Variants in ADAM7 observed in about 807,000 individuals in gnomAD.
The protein encoded by ADAM7 is ADAM metallopeptidase domain 7.
ADAM7 carries 97 observed loss-of-function variants against 102.9 expected under a neutral mutation model. That is an observed-to-expected ratio of 0.94 (90% confidence interval 0.80 to 1.12). The LOEUF (loss-of-function observed/expected upper bound fraction) is 1.12. Ranked by LOEUF, ADAM7 falls within the 50% of genes most tolerant of loss-of-function variation. The probability of loss-of-function intolerance (pLI) is 0.00; values close to 1 mark genes in which losing one functional copy is unlikely to be tolerated. For synonymous variants in ADAM7, 334 were observed against 304.4 expected (o/e 1.10, Z -1.01); for missense variants, 991 against 908.7 (o/e 1.09, Z -1.16).
intron 7 of ADAM7, among the ~76,000 whole-genome samples, chr8:24,469,335 G>A (rs1003323241): frequency 2.6e-5 from 4 of 152,216 alleles, no homozygotes; most frequent in South Asian, 2.1e-4. Flanking sequence ...AACTAGAAAC[G>A]CTCCACAGAA....
intron 8 of ADAM7, among the ~76,000 whole-genome samples, chr8:24,479,141 C>T (rs1819864712): frequency 6.6e-6 from 1 of 152,090 alleles, no homozygotes; most frequent in Non-Finnish European, 1.5e-5. Flanking sequence ...ACTGCTTCTT[C>T]AGTAGTGGCG....
rs144352481 is a variant in ADAM7 at position 24,443,939 on chromosome 8, AAAAATAAAATAAAATAAAAT to A, written c.156+1383_156+1402del. Among the ~76,000 whole-genome samples, 30 of 145,658 alleles carry A rather than the reference AAAAATAAAATAAAATAAAAT, an allele frequency of 2.1e-4. 1 individual carries two copies. Among genetic ancestry groups the A allele is most frequent in the African/African-American group, 7.3e-4 (29 of 39,486 alleles). On this transcript the variant is annotated intron_variant, in intron 2 of 21. Transcript: ENST00000175238. ...ACAGAGCAAGACTCTCTCAAAAAAT[AAAAATAAAATAAAATAAAAT>A]AAAATAAAATAAAATAAAAATATCA...
At chr8:24,458,973 C>A (rs1005364355) in intron 3 of ADAM7, among the ~76,000 whole-genome samples, 2 of 151,796 alleles carry the variant, frequency 1.3e-5, no homozygotes, top group Admixed American at 1.3e-4. Context: ...AATTATGTTA[C>A]TGATGGCTAT....
chr8:24,450,658 T>C (rs1818747321), intron 3 of ADAM7, among the ~76,000 whole-genome samples: 1 of 152,092 alleles, frequency 6.6e-6, no homozygotes, highest in South Asian at 2.1e-4. Flanking sequence ...TCCTGCCTAA[T>C]TGCCCTGGCC....
At chr8:24,442,888 T>C (rs556212882) in intron 2 of ADAM7, among the ~76,000 whole-genome samples, 9 of 152,314 alleles carry the variant, frequency 5.9e-5, no homozygotes, top group African/African-American at 2.2e-4. Flanking sequence ...ATCTTGAGCA[T>C]GTTACTTTCC....
intron 3 of ADAM7, among the ~76,000 whole-genome samples, chr8:24,454,058 C>G (rs1209449871): frequency 2.0e-5 from 3 of 152,230 alleles, no homozygotes; most frequent in African/African-American, 2.4e-5. Flanking sequence ...CAGTCTGCCC[C>G]TACTGGGGGG....
Position 24,447,227 on chromosome 8 carries a change from T to C in ADAM7, c.198T>C (p.Asn66=), listed in dbSNP as rs1818594277. The change falls in exon 3 of 22, where the codon AAT becomes AAC. Residue 66 remains asparagine (N), a synonymous_variant. Coordinates refer to ENST00000175238, the MANE Select transcript of ADAM7 (RefSeq NM_003817.4). ...EEELLYEIKL[N]RKTLVLHLLR... The stretch of plus-strand genomic sequence containing the variant: ...AATTGTTGTATGAAATAAAACTAAA[T>C]AGAAAAACCTTAGTCCTTCATCTTC... 4 of 1,545,296 alleles carry C rather than the reference T, an allele frequency of 2.6e-6. No homozygotes were observed. Among genetic ancestry groups the C allele is most frequent in the Admixed American group, 1.8e-5 (1 of 55,716 alleles).
At chr8:24,507,587 C>A (rs780645220) in intron 21 of ADAM7, 52 bp downstream of exon 21, 4 of 1,449,270 alleles carry the variant, frequency 2.8e-6, no homozygotes, top group Non-Finnish European at 9.7e-7. Context: ...CAAATGCTGG[C>A]ATAGTTTTGT....
intron 12 of ADAM7, 200 bp from the exon 13 acceptor site, chr8:24,490,599 C>T: frequency 1.8e-6 from 1 of 548,094 alleles, no homozygotes. Flanking sequence ...CGTAATGTAC[C>T]AAACAGCACG....
At chr8:24,442,003 G>A (rs12544249) in intron 1 of ADAM7, among the ~76,000 whole-genome samples, 14,207 of 151,930 alleles carry the variant, frequency 0.094, 818 homozygotes, top group Admixed American at 0.13. Flanking sequence ...GTGAAACCCC[G>A]TCTCTACTAA....
chr8:24,473,420 G>C (rs541884187), intron 7 of ADAM7, among the ~76,000 whole-genome samples: 2 of 152,202 alleles, frequency 1.3e-5, no homozygotes, highest in African/African-American at 4.8e-5. Context: ...TCTCCAATAG[G>C]CTAGCTAGTT....
chr8:24,471,927 A>C (rs1406722099), intron 7 of ADAM7, among the ~76,000 whole-genome samples: 3 of 151,938 alleles, frequency 2.0e-5, no homozygotes, highest in Non-Finnish European at 4.4e-5. Flanking sequence ...AATATACCTA[A>C]ACTTCTCAAG....
intron 4 of ADAM7, among the ~76,000 whole-genome samples, chr8:24,465,311 G>A (rs1819389621): frequency 1.3e-5 from 2 of 152,264 alleles, no homozygotes; most frequent in African/African-American, 4.8e-5. Context: ...CAAGTAGGGA[G>A]TAATAAAGAC....
intron 21 of ADAM7, among the ~76,000 whole-genome samples, chr8:24,507,857 C>T (rs567795851): frequency 2.0e-5 from 3 of 152,218 alleles, no homozygotes; most frequent in Middle Eastern, 3.4e-3. Flanking sequence ...AGTATACATA[C>T]CCACAGGTTT....
At position 24,466,991 on chromosome 8, in the gene ADAM7, G is replaced by T; in HGVS notation, c.579+3G>T. On this transcript the variant is annotated splice_donor_region_variant and intron_variant, in intron 6 of 21. Coordinates refer to ENST00000175238, the MANE Select transcript of ADAM7 (RefSeq NM_003817.4). ...CTGAAGAAGACTCCAAAATAAAAGT[G>T]AGTACTTTATTATTATCTTTACCCC... 1 of 1,605,818 alleles carries T rather than the reference G, an allele frequency of 6.2e-7. No individual in the cohort carries two copies. The highest frequency in any genetic ancestry group is 1.3e-5 in the African/African-American group (1 of 74,850).
chr8:24,478,638 C>T (rs1445200032), intron 8 of ADAM7, among the ~76,000 whole-genome samples: 2 of 152,240 alleles, frequency 1.3e-5, no homozygotes, highest in African/African-American at 2.4e-5. Flanking sequence ...TTCTGCAAAC[C>T]ACATCCATGT....
chr8:24,502,389 T>C (rs1490624621), intron 20 of ADAM7, among the ~76,000 whole-genome samples: 2 of 151,770 alleles, frequency 1.3e-5, no homozygotes, highest in Non-Finnish European at 2.9e-5. Context: ...TGAAGCCCAA[T>C]ATATGCAGAA....
intron 3 of ADAM7, among the ~76,000 whole-genome samples, chr8:24,461,425 C>A (rs1819238723): frequency 6.6e-6 from 1 of 152,086 alleles, no homozygotes; most frequent in Non-Finnish European, 1.5e-5. Context: ...CTTTCTCTTG[C>A]TGGTTTTGAG....
At chr8:24,500,719 C>G in intron 18 of ADAM7, 71 bp from the exon 19 acceptor site, 1 of 1,226,052 alleles carries the variant, frequency 8.2e-7, no homozygotes, top group Non-Finnish European at 1.2e-6. Context: ...GTAACAGCTC[C>G]ATTAAATGTT....
Sources: allele counts gnomAD v4.1 joint callset (sites outside exome capture counted in the v4.1 genomes callset), GRCh38; gene constraint gnomAD v4.1.1; transcripts MANE v1.5; gene names NCBI Gene and HGNC (gene_info 2026-07-23, HGNC 2026-07-21).